The following ZNF827 variants were observed in gnomAD, a reference collection of about 807,000 sequenced individuals.
ZNF827 encodes the protein zinc finger protein 827.
A neutral mutation model predicts 102.4 loss-of-function variants in ZNF827; 13 were observed. The observed-to-expected ratio is 0.13, with a 90% CI of 0.08 to 0.20. The LOEUF is 0.20. Among genes scored for constraint, ZNF827 ranks in the 10% least tolerant of loss-of-function variants. ZNF827 has a pLI of 1.00. For synonymous variants in ZNF827, 523 were observed against 536.2 expected (o/e 0.98, Z 0.34); for missense variants, 1,103 against 1,344.4 (o/e 0.82, Z 2.81).
At chr4:145,876,681 C>T (rs868596868) in intron 4 of ZNF827, 4 of 152,114 alleles carry the variant, frequency 2.6e-5, no homozygotes, top group African/African-American at 9.7e-5. Context: ...ATACATTTCC[C>T]AAATAACAGT....
chr4:145,791,976 C>A (rs958579624), intron 8 of ZNF827, among the ~76,000 whole-genome samples: 6 of 151,456 alleles, frequency 4.0e-5, no homozygotes, highest in Non-Finnish European at 8.8e-5. Flanking sequence ...GCACACAATT[C>A]TAGCTGTGTC....
chr4:145,845,761 A>G (rs924324126), intron 7 of ZNF827, among the ~76,000 whole-genome samples, 195 bp downstream of exon 7: 7 of 152,244 alleles, frequency 4.6e-5, no homozygotes, highest in Non-Finnish European at 1.0e-4. Flanking sequence ...GATGTTTAGT[A>G]CATATTAGTG....
At chr4:145,930,881 G>T (rs1045825145) in intron 1 of ZNF827, among the ~76,000 whole-genome samples, 2 of 152,060 alleles carry the variant, frequency 1.3e-5, no homozygotes, top group Non-Finnish European at 2.9e-5. Flanking sequence ...ATGCAGTGAA[G>T]CTAACTTTTA....
intron 7 of ZNF827, among the ~76,000 whole-genome samples, chr4:145,835,886 C>G (rs1336396716): frequency 6.6e-6 from 1 of 151,778 alleles, no homozygotes; most frequent in Non-Finnish European, 1.5e-5. Flanking sequence ...AGTTCAGGAT[C>G]TGCGCCTTAT....
chr4:145,848,270 G>C (rs184741451), intron 6 of ZNF827, among the ~76,000 whole-genome samples: 2 of 152,328 alleles, frequency 1.3e-5, no homozygotes, highest in East Asian at 1.9e-4. Flanking sequence ...GGCTACTGCA[G>C]AGATCTGCAC....
At chr4:145,792,533 AT>A (rs11347969) in intron 8 of ZNF827, among the ~76,000 whole-genome samples, 31,749 of 149,366 alleles carry the variant, frequency 0.21, 4,193 homozygotes, top group East Asian at 0.68. Context: ...TAGATATATA[AT>A]TTTTTTTTTT....
At chr4:145,817,859 C>CAATACAT (rs1742743948) in intron 8 of ZNF827, among the ~76,000 whole-genome samples, 1 of 151,998 alleles carries the variant, frequency 6.6e-6, no homozygotes, top group Admixed American at 6.6e-5. Flanking sequence ...CTAAACTCAG[C>CAATACAT]AATACATATT....
chr4:145,773,326 T>C (rs557279003), intron 11 of ZNF827, among the ~76,000 whole-genome samples: 2 of 152,184 alleles, frequency 1.3e-5, no homozygotes, highest in Non-Finnish European at 2.9e-5. Context: ...CTCCAAGTCA[T>C]AGCTGCTCAA....
intron 7 of ZNF827, among the ~76,000 whole-genome samples, chr4:145,824,746 G>A (rs1429623973): frequency 6.6e-6 from 1 of 152,130 alleles, no homozygotes; most frequent in Non-Finnish European, 1.5e-5. Context: ...GGGCAAAACA[G>A]CAGATCTGGA....
chr4:145,790,439 C>A (rs1478109905), intron 8 of ZNF827, among the ~76,000 whole-genome samples: 2 of 152,174 alleles, frequency 1.3e-5, no homozygotes, highest in Non-Finnish European at 2.9e-5. Context: ...TAAATCCAGA[C>A]TTTCTAAAAT....
chr4:145,842,047 C>T (rs1359152928), intron 7 of ZNF827, among the ~76,000 whole-genome samples: 1 of 152,022 alleles, frequency 6.6e-6, no homozygotes, highest in Non-Finnish European at 1.5e-5. Context: ...CATCATAAAT[C>T]ATTAATTGAT....
Position 145,776,358 on chromosome 4 carries a change from G to A in ZNF827, c.2522-398C>T, listed in dbSNP as rs566380693. On this transcript the variant is annotated intron_variant, in intron 9 of 14. Coordinates refer to ENST00000508784, the MANE Select transcript of ZNF827 (RefSeq NM_001306215.2). The stretch of plus-strand genomic sequence containing the variant: ...TGCCTGTAGTCCCAGCTACTTGGGA[G>A]GAGGAGGTGGGAGGATTGCTTGAGC... 2.0e-5 allele frequency among the ~76,000 whole-genome samples: 3 copies of A among 152,116 alleles called. No homozygotes were observed. The South Asian group carries it at 6.2e-4, about 32-fold the overall frequency.
intron 5 of ZNF827, among the ~76,000 whole-genome samples, chr4:145,851,383 C>T (rs1053357894): frequency 6.6e-6 from 1 of 152,046 alleles, no homozygotes; most frequent in Admixed American, 6.5e-5. Context: ...ATCTGTGGGA[C>T]AGTCAGGAGA....
intron 5 of ZNF827, among the ~76,000 whole-genome samples, chr4:145,858,200 T>A (rs1747357769): frequency 6.6e-6 from 1 of 151,844 alleles, no homozygotes; most frequent in Admixed American, 6.6e-5. Context: ...ACAGGATTCC[T>A]GGCAATGGTA....
rs773474960 is a variant in ZNF827 at position 145,844,048 on chromosome 4, TA to T, written c.2279+1907del. ...TCCTATGGCAGCAAATTAAAATGAA[TA>T]TTTTTTTATGTTTAGTCTGCTGTCT... On this transcript the variant is annotated intron_variant, in intron 7 of 14. Transcript: ENST00000508784. Among the ~76,000 whole-genome samples, 12 of 152,156 alleles carry T rather than the reference TA, an allele frequency of 7.9e-5. No individual in the cohort carries two copies. The East Asian group carries it at 9.6e-4, about 12-fold the overall frequency.
At chr4:145,836,846 A>G (rs1421706708) in intron 7 of ZNF827, among the ~76,000 whole-genome samples, 3 of 151,856 alleles carry the variant, frequency 2.0e-5, no homozygotes, top group African/African-American at 7.3e-5. Flanking sequence ...GTGGAAATCT[A>G]TCCTCAAGGA....
chr4:145,878,875 G>C (rs1274245952), intron 4 of ZNF827, among the ~76,000 whole-genome samples: 1 of 152,098 alleles, frequency 6.6e-6, no homozygotes, highest in African/African-American at 2.4e-5. Flanking sequence ...GTGGATGGGT[G>C]GGGGCAGTGC....
In ZNF827 at chr4:145,789,505, T is replaced by C. The variant is rs1420735002; in HGVS notation, c.2384-9994A>G. On this transcript the variant is annotated intron_variant, in intron 8 of 14. Transcript: ENST00000508784. ...TACACACATATTTAATATTTAACCT[T>C]ATAGCAGCACTATGTATTAGACACT... Among the ~76,000 whole-genome samples, 9 of 152,208 alleles carry C rather than the reference T, an allele frequency of 5.9e-5. No homozygotes were observed. The East Asian group carries it at 1.7e-3, about 29-fold the overall frequency.
chr4:145,813,905 G>T (rs1312574470), intron 8 of ZNF827, among the ~76,000 whole-genome samples: 1 of 152,220 alleles, frequency 6.6e-6, no homozygotes, highest in Non-Finnish European at 1.5e-5. Flanking sequence ...GGTTAGGAGA[G>T]ATCTAGGAGG....
Sources: gnomAD v4.1 joint callset for allele counts (sites outside exome capture counted in the v4.1 genomes callset) on GRCh38, gnomAD v4.1.1 for gene constraint, MANE v1.5 for transcripts, NCBI Gene and HGNC (gene_info 2026-07-23, HGNC 2026-07-21) for gene names.